EFCAB6: variants seen among roughly 807,000 people sequenced by gnomAD.
The protein encoded by EFCAB6 is EF-hand calcium-binding domain-containing protein 6.
Under a neutral mutation model 169.8 loss-of-function variants are expected in EFCAB6, and 156 were observed. That is an observed-to-expected ratio of 0.92 (90% CI 0.81 to 1.05). EFCAB6 has a LOEUF of 1.05. EFCAB6 is among the 50% of genes least tolerant of loss of function. The pLI is 0.00. For missense variants in EFCAB6, 1,800 were observed against 1,829.1 expected, an observed-to-expected ratio of 0.98 and a Z score of 0.29; for synonymous variants, 698 against 676.4, an observed-to-expected ratio of 1.03 and a Z score of -0.50.
At chr22:43,540,959 C>T (rs1171746434) in intron 27 of EFCAB6, among the ~76,000 whole-genome samples, 1 of 142,334 alleles carries the variant, frequency 7.0e-6, no homozygotes, top group East Asian at 2.0e-4. Flanking sequence ...AAACCACACA[C>T]CATGAAGATA....
rs549591704 is a variant in EFCAB6 at position 43,753,655 on chromosome 22, G to A, written c.507+2111C>T. On this transcript the variant is annotated intron_variant, in intron 6 of 31. Coordinates refer to ENST00000262726, the MANE Select transcript of EFCAB6 (RefSeq NM_022785.4). ...CGTCGGTTGGAGGGTCTGAGGGCCTGTGAAGAAGAGAGAGGCTGACAAATC... is the reference window on the plus strand; with the variant it reads ...CGTCGGTTGGAGGGTCTGAGGGCCTATGAAGAAGAGAGAGGCTGACAAATC... Among the ~76,000 whole-genome samples the A allele has an allele frequency of 3.3e-5, 5 of 152,316 alleles. No individual in the cohort carries two copies. The East Asian group carries it at 9.6e-4, about 29-fold the overall frequency.
intron 30 of EFCAB6, among the ~76,000 whole-genome samples, chr22:43,533,903 GGAGCCTCTGA>G (rs2047230342): frequency 6.6e-6 from 1 of 152,218 alleles, no homozygotes; most frequent in Non-Finnish European, 1.5e-5. Context: ...CTGGCCTCCT[GGAGCCTCTGA>G]GTCCACCTTT....
chr22:43,615,122 AT>A (rs2053605766), intron 21 of EFCAB6, among the ~76,000 whole-genome samples: 1 of 152,266 alleles, frequency 6.6e-6, no homozygotes, highest in East Asian at 1.9e-4. Context: ...AAGTGGAGGT[AT>A]TTTTCAAAAT....
At chr22:43,689,348 T>TACACACACACACACACAC (rs2058318714) in intron 10 of EFCAB6, among the ~76,000 whole-genome samples, 1 of 30,126 alleles carries the variant, frequency 3.3e-5, no homozygotes, top group African/African-American at 1.6e-4. Flanking sequence ...GGAGAGCACG[T>TACACACACACACACACAC]GCACACACAC....
intron 21 of EFCAB6, among the ~76,000 whole-genome samples, chr22:43,609,390 T>C (rs2053149444): frequency 1.3e-5 from 2 of 152,188 alleles, no homozygotes; most frequent in South Asian, 4.1e-4. Context: ...ATTATTATTA[T>C]TCACTGACAT....
At chr22:43,652,603 GAC>G (rs2056526935) in intron 17 of EFCAB6, among the ~76,000 whole-genome samples, 10 of 152,268 alleles carry the variant, frequency 6.6e-5, no homozygotes, top group African/African-American at 2.4e-4. Context: ...TCCCTTACTG[GAC>G]TAAGGTTATG....
At position 43,773,032 on chromosome 22, in the gene EFCAB6, T is replaced by G. The variant is rs2061526796; in HGVS notation, c.211A>C (p.Arg71=). The part of the protein sequence containing the change: ...KRILFQKITD[R]GDELQKAFQL... ...AAGGCTTTTTGCAACTCATCCCCTC[T>G]GTCGGTAATTTTTTGAAATAAAATC... Residue 71 remains arginine (R), a synonymous_variant, in exon 4 of 32, where the codon AGA becomes CGA. Transcript: ENST00000262726. 3.7e-6 allele frequency: 6 copies of G among 1,614,128 alleles called. No individual in the cohort carries two copies. The highest frequency in any genetic ancestry group is 5.1e-6 in the Non-Finnish European group (6 of 1,180,050).
intron 8 of EFCAB6, among the ~76,000 whole-genome samples, chr22:43,719,821 G>A (rs755691383): frequency 1.3e-5 from 2 of 152,178 alleles, no homozygotes; most frequent in African/African-American, 2.4e-5. Flanking sequence ...TATTAGCTAC[G>A]TATTGATTCA....
At chr22:43,748,936 C>A (rs1037007721) in intron 6 of EFCAB6, among the ~76,000 whole-genome samples, 4 of 152,080 alleles carry the variant, frequency 2.6e-5, no homozygotes. Flanking sequence ...ATGTTTTGAA[C>A]GGATAACTCT....
intron 20 of EFCAB6, among the ~76,000 whole-genome samples, chr22:43,616,383 C>T (rs1198411790): frequency 6.6e-6 from 1 of 152,202 alleles, no homozygotes; most frequent in Non-Finnish European, 1.5e-5. Context: ...AAAGATAGGG[C>T]CGGGTGCAGT....
chr22:43,667,321 G>A (rs2057308782), intron 16 of EFCAB6, 49 bp from the exon 17 acceptor site: 1 of 1,594,304 alleles, frequency 6.3e-7, no homozygotes, highest in East Asian at 2.2e-5. Context: ...GACACACGCA[G>A]GGTGCTTCCT....
At position 43,704,056 on chromosome 22, in the gene EFCAB6, G is replaced by A. The variant is rs778792833; in HGVS notation, c.1031+7419C>T. Among the ~76,000 whole-genome samples the A allele has an allele frequency of 6.8e-4, 104 of 151,860 alleles. 1 individual carries two copies. The highest frequency in any genetic ancestry group is 1.3e-3 in the Non-Finnish European group (87 of 67,968). On this transcript the variant is annotated intron_variant, in intron 10 of 31. Coordinates refer to ENST00000262726, the MANE Select transcript of EFCAB6 (RefSeq NM_022785.4). ...TCAAATTCAACCCAAAGAGGAGGTC[G>A]CCAAGACAACATAATAATCAAACTA...
At chr22:43,571,230 G>T (rs2049854785) in intron 26 of EFCAB6, among the ~76,000 whole-genome samples, 1 of 152,186 alleles carries the variant, frequency 6.6e-6, no homozygotes, top group Non-Finnish European at 1.5e-5. Context: ...TTTACTCTCT[G>T]TGTGCTTTCA....
At chr22:43,621,410 A>C (rs1272106029) in intron 20 of EFCAB6, among the ~76,000 whole-genome samples, 2 of 152,064 alleles carry the variant, frequency 1.3e-5, no homozygotes, top group African/African-American at 4.8e-5. Context: ...CCTGAACATG[A>C]TGCAAATATT....
intron 8 of EFCAB6, among the ~76,000 whole-genome samples, chr22:43,730,668 GT>G (rs1457295824): frequency 1.3e-5 from 2 of 152,128 alleles, no homozygotes; most frequent in African/African-American, 4.8e-5. Flanking sequence ...GTGGACAGTG[GT>G]TATTTCTGGG....
At chr22:43,578,448 C>T (rs1430575325) in intron 25 of EFCAB6, among the ~76,000 whole-genome samples, 1 of 152,096 alleles carries the variant, frequency 6.6e-6, no homozygotes, top group Non-Finnish European at 1.5e-5. Context: ...CGGCTTCCCA[C>T]AGGATGATTC....
At chr22:43,529,944 C>T (rs867193453) in intron 31 of EFCAB6, among the ~76,000 whole-genome samples, 4 of 152,212 alleles carry the variant, frequency 2.6e-5, no homozygotes, top group South Asian at 2.1e-4. Flanking sequence ...TCCACATTTG[C>T]GTTATAACTT....
rs146339176 is a variant in EFCAB6 at position 43,667,158 on chromosome 22, A to G, written c.1929T>C (p.Phe643=). The part of the protein sequence containing the change: ...QQQDPAFKKR[F]LDFSKEPNGK... ...CATTAGGCTCCTTGCTGAAGTCAAGAAATCGTTTTTTGAATGCCGGGTCCT... is the reference window on the plus strand; with the variant it reads ...CATTAGGCTCCTTGCTGAAGTCAAGGAATCGTTTTTTGAATGCCGGGTCCT... Residue 643 remains phenylalanine, a synonymous_variant, in exon 17 of 32, where the codon TTT becomes TTC. Transcript: ENST00000262726. 1 of 1,614,012 alleles carries G rather than the reference A, an allele frequency of 6.2e-7. No individual in the cohort carries two copies. Among genetic ancestry groups the G allele is most frequent in the Non-Finnish European group, 8.5e-7 (1 of 1,180,014 alleles).
chr22:43,589,783 A>G (rs1569208642), intron 24 of EFCAB6, among the ~76,000 whole-genome samples: 1 of 152,178 alleles, frequency 6.6e-6, no homozygotes, highest in Non-Finnish European at 1.5e-5. Flanking sequence ...GCGAGACTCC[A>G]TCTCAAAAAA....
Sources: gnomAD v4.1 joint callset for allele counts (sites outside exome capture counted in the v4.1 genomes callset) on GRCh38, gnomAD v4.1.1 for gene constraint, MANE v1.5 for transcripts, NCBI Gene and HGNC (gene_info 2026-07-23, HGNC 2026-07-21) for gene names.